GRB10: variants seen among roughly 807,000 people sequenced by gnomAD.
The protein encoded by GRB10 is growth factor receptor-bound protein 10.
In GRB10, 20 loss-of-function variants were observed where a neutral mutation model predicts 80.9. That is an observed-to-expected ratio of 0.25 (90% CI 0.17 to 0.36). The LOEUF (loss-of-function observed/expected upper bound fraction) is 0.36. GRB10 is among the 10% of genes least tolerant of loss of function. The pLI, the probability that GRB10 is intolerant of heterozygous loss-of-function variation, is 1.00. For synonymous variants in GRB10, 291 were observed against 291.5 expected (o/e 1.00, Z 0.02); for missense variants, 548 against 747.7 (o/e 0.73, Z 3.12).
intron 3 of GRB10, among the ~76,000 whole-genome samples, chr7:50,744,433 C>G (rs1297154216): frequency 6.6e-6 from 1 of 152,134 alleles, no homozygotes; most frequent in Non-Finnish European, 1.5e-5. Flanking sequence ...ACGAACATCC[C>G]ATGCAGTTAA....
At chr7:50,644,475 G>A (rs1363627248) in intron 7 of GRB10, among the ~76,000 whole-genome samples, 1 of 152,184 alleles carries the variant, frequency 6.6e-6, no homozygotes, top group Non-Finnish European at 1.5e-5. Flanking sequence ...AACCTGAAAC[G>A]CATGCAGTAT....
intron 7 of GRB10, among the ~76,000 whole-genome samples, chr7:50,628,355 A>AG (rs934835412): frequency 2.0e-5 from 3 of 152,102 alleles, no homozygotes; most frequent in Non-Finnish European, 2.9e-5. Context: ...TGTGTTTGGA[A>AG]GGGGGTGCTT....
chr7:50,772,505 C>A (rs192373875), intron 2 of GRB10, among the ~76,000 whole-genome samples: 1 of 152,250 alleles, frequency 6.6e-6, no homozygotes, highest in Admixed American at 6.5e-5. Context: ...AAGCTTTTCC[C>A]CAAAGAGTGG....
At chr7:50,747,921 A>C (rs2073286738) in intron 3 of GRB10, among the ~76,000 whole-genome samples, 1 of 152,092 alleles carries the variant, frequency 6.6e-6, no homozygotes, top group African/African-American at 2.4e-5. Context: ...AAATTCTAGA[A>C]GGCAAGATGC....
At chr7:50,684,403 T>C (rs1051906530) in intron 5 of GRB10, among the ~76,000 whole-genome samples, 3 of 151,606 alleles carry the variant, frequency 2.0e-5, no homozygotes, top group Non-Finnish European at 4.4e-5. Context: ...AAGCAATTCA[T>C]CTTAGCGATT....
At chr7:50,781,770 C>T (rs1239660011) in intron 1 of GRB10, among the ~76,000 whole-genome samples, 1 of 152,238 alleles carries the variant, frequency 6.6e-6, no homozygotes, top group Non-Finnish European at 1.5e-5. Context: ...GCTAGGACGT[C>T]CTACGTGTTC....
intron 2 of GRB10, among the ~76,000 whole-genome samples, chr7:50,778,382 G>C (rs974999160): frequency 2.6e-5 from 4 of 152,312 alleles, no homozygotes; most frequent in African/African-American, 9.6e-5. Flanking sequence ...GATGACAAAG[G>C]AATGGGTCCA....
At chr7:50,774,479 G>C (rs1007285304) in intron 2 of GRB10, among the ~76,000 whole-genome samples, 1 of 152,202 alleles carries the variant, frequency 6.6e-6, no homozygotes, top group Non-Finnish European at 1.5e-5. Context: ...GGGCCTTCTT[G>C]CTGTGCCCTC....
intron 7 of GRB10, among the ~76,000 whole-genome samples, chr7:50,634,525 A>AAC (rs2054581159): frequency 6.6e-6 from 1 of 152,234 alleles, no homozygotes; most frequent in Non-Finnish European, 1.5e-5. Context: ...TGACAGGAAT[A>AAC]ACACTTCAAA....
At chr7:50,601,491 G>A (rs980263018) in intron 17 of GRB10, among the ~76,000 whole-genome samples, 6 of 152,126 alleles carry the variant, frequency 3.9e-5, no homozygotes, top group Non-Finnish European at 5.9e-5. Flanking sequence ...GGTATTTTAA[G>A]GTAACCTGCC....
chr7:50,735,799 G>T (rs2070694689), intron 3 of GRB10, among the ~76,000 whole-genome samples: 1 of 152,048 alleles, frequency 6.6e-6, no homozygotes, highest in African/African-American at 2.4e-5. Context: ...TTTTGAAAAA[G>T]ACGTTTATAT....
intron 7 of GRB10, among the ~76,000 whole-genome samples, chr7:50,662,047 G>A (rs558030419): frequency 1.3e-5 from 2 of 152,318 alleles, no homozygotes; most frequent in East Asian, 3.9e-4. Flanking sequence ...AGTGTCCCAC[G>A]CTTGCCAGGA....
chr7:50,598,162 C>A (rs1480695693), intron 17 of GRB10, among the ~76,000 whole-genome samples: 1 of 152,188 alleles, frequency 6.6e-6, no homozygotes, highest in Non-Finnish European at 1.5e-5. Context: ...CTGCACCCAG[C>A]CAGAATAACT....
chr7:50,663,284 C>T (rs1018429570), intron 7 of GRB10, among the ~76,000 whole-genome samples: 3 of 152,178 alleles, frequency 2.0e-5, no homozygotes, highest in Non-Finnish European at 2.9e-5. Context: ...GAGTAGGTGG[C>T]ACCTCCCTGT....
At chr7:50,624,956 A>G (rs1227720320) in intron 8 of GRB10, among the ~76,000 whole-genome samples, 1 of 151,730 alleles carries the variant, frequency 6.6e-6, no homozygotes, top group Non-Finnish European at 1.5e-5. Context: ...ATCGCCCACT[A>G]GAATGTATTA....
intron 5 of GRB10, among the ~76,000 whole-genome samples, chr7:50,685,118 T>C (rs1400493634): frequency 6.6e-6 from 1 of 152,244 alleles, no homozygotes; most frequent in African/African-American, 2.4e-5. Context: ...ATTCTGTGGA[T>C]TTAACTCCAT....
At chr7:50,659,656 CAGT>C (rs2059033740) in intron 7 of GRB10, among the ~76,000 whole-genome samples, 1 of 152,216 alleles carries the variant, frequency 6.6e-6, no homozygotes, top group Admixed American at 6.5e-5. Context: ...GGAAGGCAGA[CAGT>C]AGAGCAAACT....
chr7:50,592,671 G>A lies in GRB10; in HGVS notation c.*281C>T, dbSNP rs953923926. The A allele has an allele frequency of 6.1e-6, 3 of 495,420 alleles. No individual in the cohort carries two copies. Among genetic ancestry groups the A allele is most frequent in the African/African-American group, 5.8e-5 (3 of 51,722 alleles). The allele number at this position is 495,420 out of a possible 1,614,324, so 30.7% of individuals were successfully genotyped here. ...CGGTTCTTGTTCCTAAGCGGCCCAA[G>A]CCAAGATGATCATTCCAGTTTATTT... On this transcript the variant is annotated 3_prime_UTR_variant, in exon 19 of 19. Transcript: ENST00000401949.
upstream of GRB10, among the ~76,000 whole-genome samples, chr7:50,785,653 C>T (rs537832900): frequency 9.7e-4 from 148 of 152,396 alleles, no homozygotes; most frequent in Admixed American, 2.0e-3. Context: ...GCGGGCACCC[C>T]GCCTCACCCT....
Sources: allele counts gnomAD v4.1 joint callset (sites outside exome capture counted in the v4.1 genomes callset), GRCh38; gene constraint gnomAD v4.1.1; transcripts MANE v1.5; gene names NCBI Gene and HGNC (gene_info 2026-07-23, HGNC 2026-07-21).